NALF1: variants seen among roughly 807,000 people sequenced by gnomAD.
NALF1 encodes the protein family with sequence similarity 155 member A.
Under a neutral mutation model 48.4 loss-of-function variants are expected in NALF1, and 3 were observed. That is an observed-to-expected ratio of 0.06 (90% CI 0.03 to 0.16). The LOEUF (loss-of-function observed/expected upper bound fraction) is 0.16, where lower values mean the gene tolerates loss of function less well. NALF1 is among the 10% of genes least tolerant of loss of function. The probability of loss-of-function intolerance (pLI) is 1.00; values close to 1 mark genes in which losing one functional copy is unlikely to be tolerated. For missense variants in NALF1, 526 were observed against 571.5 expected (o/e 0.92, Z 0.81); for synonymous variants, 262 against 245.7 (o/e 1.07, Z -0.62).
chr13:107,787,202 T>C (rs551868797), intron 1 of NALF1, among the ~76,000 whole-genome samples: 1 of 152,328 alleles, frequency 6.6e-6, no homozygotes, highest in African/African-American at 2.4e-5. Context: ...AACCAGTTCT[T>C]TGTACACCCA....
intron 1 of NALF1, among the ~76,000 whole-genome samples, chr13:107,748,067 A>G (rs1876834213): frequency 6.6e-6 from 1 of 152,170 alleles, no homozygotes; most frequent in South Asian, 2.1e-4. Flanking sequence ...ACAAAATTCA[A>G]TCCCAACTAC....
intron 1 of NALF1, among the ~76,000 whole-genome samples, chr13:107,278,500 T>C (rs998466898): frequency 6.6e-6 from 1 of 152,220 alleles, no homozygotes; most frequent in African/African-American, 2.4e-5. Flanking sequence ...TTAACCCTCA[T>C]AGCACCACCC....
intron 1 of NALF1, among the ~76,000 whole-genome samples, chr13:107,689,291 C>G (rs899935986): frequency 6.6e-6 from 1 of 152,114 alleles, no homozygotes; most frequent in Non-Finnish European, 1.5e-5. Flanking sequence ...TTTCTCGTCT[C>G]TTTTCTCTTT....
intron 1 of NALF1, among the ~76,000 whole-genome samples, chr13:107,680,850 G>A (rs1202769218): frequency 2.0e-5 from 3 of 147,796 alleles, no homozygotes; most frequent in Admixed American, 7.0e-5. Context: ...GAGTGTAAGA[G>A]TATGTGAGTG....
intron 1 of NALF1, 46 bp from the exon 2 acceptor site, chr13:107,210,801 T>TA: frequency 7.2e-7 from 1 of 1,380,422 alleles, no homozygotes; most frequent in Non-Finnish European, 1.0e-6. Context: ...TGACAACAGT[T>TA]ACAGTGATAG....
intron 1 of NALF1, among the ~76,000 whole-genome samples, chr13:107,766,991 A>G (rs1194717073): frequency 6.6e-6 from 1 of 152,226 alleles, no homozygotes; most frequent in African/African-American, 2.4e-5. Flanking sequence ...TGACAACAGA[A>G]AGACTTAGAC....
At chr13:107,673,128 T>C (rs1294533069) in intron 1 of NALF1, among the ~76,000 whole-genome samples, 1 of 152,174 alleles carries the variant, frequency 6.6e-6, no homozygotes, top group African/African-American at 2.4e-5. Flanking sequence ...GGCTGCATGT[T>C]TGGGCTTTGA....
intron 1 of NALF1, among the ~76,000 whole-genome samples, chr13:107,818,871 C>CAAAAA (rs774372636): frequency 0.019 from 1,398 of 73,744 alleles, 56 homozygotes; most frequent in Non-Finnish European, 0.032. Flanking sequence ...GACTCCGTCT[C>CAAAAA]AAAAAAAAAA....
At chr13:107,286,255 C>T (rs913656211) in intron 1 of NALF1, among the ~76,000 whole-genome samples, 6 of 152,206 alleles carry the variant, frequency 3.9e-5, no homozygotes, top group East Asian at 3.9e-4. Context: ...TCCACTCTTA[C>T]GTATATACCC....
chr13:107,615,978 G>T (rs1464423935), intron 1 of NALF1, among the ~76,000 whole-genome samples: 1 of 152,110 alleles, frequency 6.6e-6, no homozygotes, highest in Admixed American at 6.5e-5. Context: ...AGTATAAACT[G>T]ATGTCCTCCA....
At chr13:107,614,639 G>A (rs1879329330) in intron 1 of NALF1, among the ~76,000 whole-genome samples, 1 of 152,002 alleles carries the variant, frequency 6.6e-6, no homozygotes, top group African/African-American at 2.4e-5. Context: ...CTATTCTCTG[G>A]ATAAAGATGG....
chr13:107,512,825 T>C (rs2139088815), intron 1 of NALF1, among the ~76,000 whole-genome samples: 1 of 152,208 alleles, frequency 6.6e-6, no homozygotes, highest in South Asian at 2.1e-4. Flanking sequence ...TGGTGGGCAT[T>C]TCTTATGGAA....
intron 1 of NALF1, among the ~76,000 whole-genome samples, chr13:107,222,069 G>A (rs1880006252): frequency 1.3e-5 from 2 of 152,160 alleles, no homozygotes; most frequent in East Asian, 1.9e-4. Flanking sequence ...CACAATGTTT[G>A]TGATCTTATT....
At chr13:107,476,364 G>A (rs1249948110) in intron 1 of NALF1, among the ~76,000 whole-genome samples, 8 of 152,074 alleles carry the variant, frequency 5.3e-5, no homozygotes, top group Admixed American at 5.2e-4. Flanking sequence ...CTTACCAAAT[G>A]TCTGACTAGA....
chr13:107,763,272 C>A (rs2138563266), intron 1 of NALF1, among the ~76,000 whole-genome samples: 1 of 149,628 alleles, frequency 6.7e-6, no homozygotes, highest in East Asian at 2.1e-4. Context: ...AATTAGTCAC[C>A]AATCAAACTT....
At chr13:107,619,504 T>C (rs1334621434) in intron 1 of NALF1, among the ~76,000 whole-genome samples, 1 of 152,188 alleles carries the variant, frequency 6.6e-6, no homozygotes, top group East Asian at 1.9e-4. Context: ...CACAGCTTGA[T>C]GTCAGAAAAC....
chr13:107,666,884 A>G (rs2138482116), intron 1 of NALF1, among the ~76,000 whole-genome samples: 1 of 152,198 alleles, frequency 6.6e-6, no homozygotes, highest in Middle Eastern at 3.4e-3. Flanking sequence ...TTCTTTTCAA[A>G]CTGATGTCTT....
At chr13:107,287,540 C>G (rs989407079) in intron 1 of NALF1, among the ~76,000 whole-genome samples, 2 of 152,094 alleles carry the variant, frequency 1.3e-5, no homozygotes, top group Non-Finnish European at 2.9e-5. Context: ...AGAATTTTTA[C>G]AGCATTTCTG....
chr13:107,855,679 G>C (rs1422992883), intron 1 of NALF1, among the ~76,000 whole-genome samples: 6 of 152,176 alleles, frequency 3.9e-5, no homozygotes, highest in Non-Finnish European at 1.5e-5. Flanking sequence ...AATAGTGAAG[G>C]TAAACCCAAG....
Sources: allele counts gnomAD v4.1 joint callset (sites outside exome capture counted in the v4.1 genomes callset), GRCh38; gene constraint gnomAD v4.1.1; transcripts MANE v1.5; gene names NCBI Gene and HGNC (gene_info 2026-07-23, HGNC 2026-07-21).